Variants in ADGRB2 observed in about 807,000 individuals in gnomAD.
The protein encoded by ADGRB2 is brain-specific angiogenesis inhibitor 2.
A neutral mutation model predicts 178.7 loss-of-function variants in ADGRB2; 47 were observed. The ratio of observed to expected loss-of-function variants is 0.26; its 90% CI spans 0.21 to 0.34. The LOEUF is 0.34. Ranked by LOEUF, ADGRB2 falls within the 10% of genes least tolerant of loss-of-function variation. ADGRB2 has a pLI of 1.00. For missense variants in ADGRB2, 1,584 were observed against 2,180.8 expected, an observed-to-expected ratio of 0.73 and a Z score of 5.45; for synonymous variants, 870 against 912.4, an observed-to-expected ratio of 0.95 and a Z score of 0.84.
In ADGRB2 at chr1:31,744,710, G is replaced by A. The variant is rs200632432; in HGVS notation, c.860C>T (p.Pro287Leu). The A allele has an allele frequency of 5.1e-4, 829 of 1,614,060 alleles. No individual in the cohort carries two copies. The highest frequency in any genetic ancestry group is 6.4e-4 in the Non-Finnish European group (759 of 1,180,036). Reference sequence around the variant, plus strand: ...CCTCGGCCACTGGGTTTTCACTTTCGGTTCCTCTTCCGGCTCCTCACCTGG... The same window carrying A: ...CCTCGGCCACTGGGTTTTCACTTTCAGTTCCTCTTCCGGCTCCTCACCTGG... ...MRYGEEPEEE[P>L]KVKTQWPRSA... is the part of the protein sequence containing the mutation. The change falls in exon 5 of 33, where the codon CCG becomes CTG. Residue 287 changes from proline (P) to leucine (L), a missense_variant. Pro to Leu is a moderately conservative substitution (Grantham distance 98). This residue lies in a region of ADGRB2 where 657 missense variants were observed against 847.6 expected (regional missense o/e 0.78). Transcript: ENST00000373658. This position sits in a 1 kb window ranked among gnomAD's most constrained non-coding sequence, Gnocchi z 6.7.
In ADGRB2 at chr1:31,736,397, G is replaced by GGGGA; in HGVS notation, c.3131-8_3131-7insTCCC. 3.1e-6 allele frequency: 5 copies of GGGGA among 1,613,796 alleles called. No homozygotes were observed. Among genetic ancestry groups the GGGGA allele is most frequent in the Non-Finnish European group, 4.2e-6 (5 of 1,179,914 alleles). ...ACCACCAGGGCAGGCAGACCTGGGGGAGCAGGGGTGCCAGAGTGAGATGGT... is the reference window on the plus strand; with the variant it reads ...ACCACCAGGGCAGGCAGACCTGGGGGGGGAAGCAGGGGTGCCAGAGTGAGATGGT... On this transcript the variant is annotated splice_region_variant and splice_polypyrimidine_tract_variant and intron_variant, in intron 21 of 32. Transcript: ENST00000373658.
intron 4 of ADGRB2, among the ~76,000 whole-genome samples, chr1:31,745,590 G>A (rs1261085741): frequency 6.6e-6 from 1 of 152,208 alleles, no homozygotes; most frequent in Non-Finnish European, 1.5e-5. Flanking sequence ...GTGTCAGGGA[G>A]GGGCAGACAT....
chr1:31,756,873 C>T lies in ADGRB2; in HGVS notation c.22-58G>A. 2 of 1,422,498 alleles carry T rather than the reference C, an allele frequency of 1.4e-6. No individual in the cohort carries two copies. The highest frequency in any genetic ancestry group is 3.0e-5 in the South Asian group (2 of 66,568). The allele number at this position is 1,422,498 out of a possible 1,614,324, so 88.1% of individuals were successfully genotyped here. A position where few individuals can be genotyped will look rare whatever the true frequency, so the allele number is the denominator to read the frequency against. ...AGCACAGCCAGCATGGGCTCTGAACCTTCTATGGTGAGCTGCGGGAGTGGG... is the reference window on the plus strand; with the variant it reads ...AGCACAGCCAGCATGGGCTCTGAACTTTCTATGGTGAGCTGCGGGAGTGGG... On this transcript the variant is annotated intron_variant, in intron 3 of 32. Coordinates refer to ENST00000373658, the MANE Select transcript of ADGRB2 (RefSeq NM_001364857.2). This position sits in a 1 kb window ranked among gnomAD's most constrained non-coding sequence, Gnocchi z 8.5.
chr1:31,740,005 A>G lies in ADGRB2; in HGVS notation c.2088T>C (p.Arg696=). Residue 696 remains arginine, a synonymous_variant, in exon 14 of 33, where the codon CGT becomes CGC. Coordinates refer to ENST00000373658, the MANE Select transcript of ADGRB2 (RefSeq NM_001364857.2). This position sits in a 1 kb window ranked among gnomAD's most constrained non-coding sequence, Gnocchi z 5.9. ...QVSPGSVHLL[R]VVEDFIHLVG... ...CCAGGTGAATGAAGTCCTCCACGAC[A>G]CGGAGCAGGTGCACAGAGCCAGGGG... The G allele has an allele frequency of 6.2e-7, 1 of 1,614,188 alleles. No homozygotes were observed.
chr1:31,752,655 G>A (rs997983112), intron 4 of ADGRB2, among the ~76,000 whole-genome samples: 4 of 152,178 alleles, frequency 2.6e-5, no homozygotes, highest in Non-Finnish European at 5.9e-5. Flanking sequence ...TGAAAGGGTG[G>A]GGGAGAATTC....
intron 29 of ADGRB2, 97 bp downstream of exon 29, chr1:31,730,701 CGA>C: frequency 7.3e-7 from 1 of 1,374,140 alleles, no homozygotes; most frequent in Non-Finnish European, 9.4e-7. Context: ...GTGACTTTTA[CGA>C]GAGGCCGCTC....
In ADGRB2 at chr1:31,756,794, G is replaced by T; in HGVS notation, c.43C>A (p.Pro15Thr). 1.3e-6 allele frequency: 2 copies of T among 1,488,474 alleles called. No homozygotes were observed. The highest frequency in any genetic ancestry group is 9.0e-7 in the Non-Finnish European group (1 of 1,115,766). 92.2% of individuals were successfully genotyped at this position (1,488,474 alleles called of 1,614,324 possible). ...GWMGKGHRMT[P>T]ACPLLLSVIL... ...ACAGACAGTAAGAGGGGACAGGCTGGGGTCATCCTATGTCCCTTGCCCTGT... is the reference window on the plus strand; with the variant it reads ...ACAGACAGTAAGAGGGGACAGGCTGTGGTCATCCTATGTCCCTTGCCCTGT... Residue 15 changes from proline to threonine, a missense_variant, in exon 4 of 33, where the codon CCA (proline) becomes ACA (threonine). By Grantham distance (38) the Pro-to-Thr change is conservative. Transcript: ENST00000373658. The surrounding 1 kb of genome is among the most constrained non-coding windows in gnomAD (Gnocchi z 8.5).
rs537363295 is a variant in ADGRB2, at chr1:31,760,892, C to G, written c.-191+2992G>C. ...GACTGGGCCGAGGGGAGGGAGCGAC[C>G]CCCTCTGTGCAGTCCTCCCGCTCCG... On this transcript the variant is annotated intron_variant, in intron 1 of 32. Transcript: ENST00000373658. 4.5e-3 allele frequency: 682 copies of G among 152,304 alleles called. 8 individuals are homozygous for G. The highest frequency in any genetic ancestry group is 0.035 in the East Asian group (181 of 5,166). The allele number at this position is 152,304 out of a possible 1,614,324, so 9.4% of individuals were successfully genotyped here. A position where few individuals can be genotyped will look rare whatever the true frequency, so the allele number is the denominator to read the frequency against.
At position 31,740,560 on chromosome 1, in the gene ADGRB2, C is replaced by A; in HGVS notation, c.1795-19G>T. On this transcript the variant is annotated intron_variant, in intron 11 of 32. Coordinates refer to ENST00000373658, the MANE Select transcript of ADGRB2 (RefSeq NM_001364857.2). This position sits in a 1 kb window ranked among gnomAD's most constrained non-coding sequence, Gnocchi z 5.9. The stretch of plus-strand genomic sequence containing the variant: ...CCCTAAGCTGTAGGTGATGAGGGGG[C>A]CACAGTCACTGAAGTGTCAGGAGCT... The A allele has an allele frequency of 6.4e-7, 1 of 1,572,536 alleles. No individual in the cohort carries two copies. The highest frequency in any genetic ancestry group is 8.6e-7 in the Non-Finnish European group (1 of 1,158,092).
chr1:31,761,130 C>T lies in ADGRB2; in HGVS notation c.-191+2754G>A, dbSNP rs940703280. The T allele has an allele frequency of 6.6e-5, 10 of 152,260 alleles. No individual in the cohort carries two copies. The highest frequency in any genetic ancestry group is 2.2e-4 in the African/African-American group (9 of 41,438). 9.4% of individuals were successfully genotyped at this position (152,260 alleles called of 1,614,324 possible). A position where few individuals can be genotyped will look rare whatever the true frequency, so the allele number is the denominator to read the frequency against. The stretch of plus-strand genomic sequence containing the variant: ...CCGCCGTTGCTACAGGAACCGAATG[C>T]TTTTGTTCCCCAATGTCAGGGCTGC... On this transcript the variant is annotated intron_variant, in intron 1 of 32. Coordinates refer to ENST00000373658, the MANE Select transcript of ADGRB2 (RefSeq NM_001364857.2). The surrounding 1 kb of genome is among the most constrained non-coding windows in gnomAD (Gnocchi z 4.2).
In ADGRB2 at chr1:31,756,792, T is replaced by G. The variant is rs1283551761; in HGVS notation, c.45A>C (p.Pro15=). 6.7e-7 allele frequency: 1 copy of G among 1,491,068 alleles called. No homozygotes were observed. Among genetic ancestry groups the G allele is most frequent in the Non-Finnish European group, 9.0e-7 (1 of 1,116,860 alleles). The allele number at this position is 1,491,068 out of a possible 1,614,324, so 92.4% of individuals were successfully genotyped here. A position where few individuals can be genotyped will look rare whatever the true frequency, so the allele number is the denominator to read the frequency against. Residue 15 remains proline (P), a synonymous_variant, in exon 4 of 33, where the codon CCA becomes CCC. Transcript: ENST00000373658. This position sits in a 1 kb window ranked among gnomAD's most constrained non-coding sequence, Gnocchi z 8.5. ...GWMGKGHRMT[P]ACPLLLSVIL... ...TCACAGACAGTAAGAGGGGACAGGC[T>G]GGGGTCATCCTATGTCCCTTGCCCT...
Position 31,735,483 on chromosome 1 carries a change from G to A in ADGRB2, c.3353+97C>T, listed in dbSNP as rs757853016. 38 of 1,461,650 alleles carry A rather than the reference G, an allele frequency of 2.6e-5. No individual in the cohort carries two copies. The highest frequency in any genetic ancestry group is 3.4e-4 in the Middle Eastern group (2 of 5,832). The allele number at this position is 1,461,650 out of a possible 1,614,324, so 90.5% of individuals were successfully genotyped here. A position where few individuals can be genotyped will look rare whatever the true frequency, so the allele number is the denominator to read the frequency against. Reference sequence around the variant, plus strand: ...TGATGCACCAAGGTTGGGGAGCCCCGGTCGCATCATCGAGCCCTGAGTCTC... The same window carrying A: ...TGATGCACCAAGGTTGGGGAGCCCCAGTCGCATCATCGAGCCCTGAGTCTC... On this transcript the variant is annotated intron_variant, in intron 24 of 32. Transcript: ENST00000373658. The surrounding 1 kb of genome is among the most constrained non-coding windows in gnomAD (Gnocchi z 6.0).
chr1:31,763,363 G>C (rs1307095628), intron 1 of ADGRB2, among the ~76,000 whole-genome samples: 1 of 151,672 alleles, frequency 6.6e-6, no homozygotes, highest in African/African-American at 2.4e-5. Context: ...CGCGGGGGAG[G>C]GTAGAAACTA....
chr1:31,731,067 C>G lies in ADGRB2; in HGVS notation c.4113G>C (p.Glu1371Asp), dbSNP rs61744431. The G allele has an allele frequency of 4.9e-3, 7,702 of 1,578,792 alleles. 339 individuals carry two copies. The African/African-American group carries it at 0.091, about 19-fold the overall frequency. Reference protein sequence around the residue: ...LQPGGGGGGGEDAPRARPEGT... With the variant: ...LQPGGGGGGGDDAPRARPEGT... ...CCTCCGGCCGGGCCCTGGGGGCATCCTCACCACCTCCACCCCCACCGCCAG... is the reference window on the plus strand; with the variant it reads ...CCTCCGGCCGGGCCCTGGGGGCATCGTCACCACCTCCACCCCCACCGCCAG... Residue 1371 changes from glutamate (E) to aspartate (D), a missense_variant, in exon 29 of 33, where the codon GAG (glutamate) becomes GAC (aspartate). Glu to Asp is a conservative substitution (Grantham distance 45, BLOSUM62 2). Around this residue, in one of 3 missense-constraint regions of ADGRB2, gnomAD observed 865 missense variants for 1,192.8 expected, o/e 0.73. Transcript: ENST00000373658.
intron 15 of ADGRB2, 109 bp downstream of exon 15, chr1:31,739,199 A>G (rs1645798240): frequency 1.7e-6 from 2 of 1,194,252 alleles, no homozygotes; most frequent in African/African-American, 1.5e-5. Context: ...CTGAAGGTGG[A>G]GGAGGCTGCC....
intron 4 of ADGRB2, among the ~76,000 whole-genome samples, chr1:31,752,382 G>A (rs947660322): frequency 3.3e-5 from 5 of 152,134 alleles, no homozygotes; most frequent in Non-Finnish European, 7.4e-5. Flanking sequence ...TACCACCACC[G>A]TGTGTGCTGG....
Position 31,728,209 on chromosome 1 carries a change from G to A in ADGRB2, c.4488C>T (p.Asp1496=), listed in dbSNP as rs746067738. 9.3e-6 allele frequency: 15 copies of A among 1,614,096 alleles called. No individual in the cohort carries two copies. Among genetic ancestry groups the A allele is most frequent in the Middle Eastern group, 1.6e-4 (1 of 6,084 alleles). Reference sequence around the variant, plus strand: ...TGGCCGTGGACTGGCTGCGGTAGCGGTCGAAAGTGTGGAACTTCTGGTTGA... The same window carrying A: ...TGGCCGTGGACTGGCTGCGGTAGCGATCGAAAGTGTGGAACTTCTGGTTGA... ...HELNQKFHTF[D]RYRSQSTAKR... is the part of the protein sequence containing the mutation. The change falls in exon 31 of 33, where the codon GAC becomes GAT. Residue 1496 remains aspartate, a synonymous_variant. Transcript: ENST00000373658. The surrounding 1 kb of genome is among the most constrained non-coding windows in gnomAD (Gnocchi z 6.7).
rs529153329 is a variant in ADGRB2 at position 31,737,900 on chromosome 1, C to G, written c.2773-145G>C. 1.1e-4 allele frequency: 92 copies of G among 812,818 alleles called. 1 individual carries two copies. The South Asian group carries it at 1.5e-3, about 13-fold the overall frequency. 50.4% of individuals were successfully genotyped at this position (812,818 alleles called of 1,614,324 possible). On this transcript the variant is annotated intron_variant, in intron 18 of 32. Coordinates refer to ENST00000373658, the MANE Select transcript of ADGRB2 (RefSeq NM_001364857.2). Reference sequence around the variant, plus strand: ...CTGTTGTACTCATGTATGCACAGAACAGACCCGGGTATCTATGTGGACACA... The same window carrying G: ...CTGTTGTACTCATGTATGCACAGAAGAGACCCGGGTATCTATGTGGACACA...
In ADGRB2 at chr1:31,730,785, C is replaced by T. The variant is rs1645241009; in HGVS notation, c.4380+15G>A. Reference sequence around the variant, plus strand: ...ACAGTCTCAGACACACACCCCATTCCCTACAGCCCCTCACCTCCAGGGAGC... The same window carrying T: ...ACAGTCTCAGACACACACCCCATTCTCTACAGCCCCTCACCTCCAGGGAGC... On this transcript the variant is annotated intron_variant, in intron 29 of 32. Coordinates refer to ENST00000373658, the MANE Select transcript of ADGRB2 (RefSeq NM_001364857.2). The T allele has an allele frequency of 4.0e-6, 6 of 1,486,282 alleles. No homozygotes were observed. In the East Asian group the frequency reaches 7.0e-5, roughly 17 times the overall value. 92.1% of individuals were successfully genotyped at this position (1,486,282 alleles called of 1,614,324 possible).
Sources: allele counts gnomAD v4.1 joint callset (sites outside exome capture counted in the v4.1 genomes callset), GRCh38; gene constraint gnomAD v4.1.1; regional missense constraint gnomAD v4.1.1; non-coding constraint Gnocchi (gnomAD v3.1); transcripts MANE v1.5; gene names NCBI Gene and HGNC (gene_info 2026-07-23, HGNC 2026-07-21).